The following PPP4R3B variants were observed in gnomAD, a reference collection of about 807,000 sequenced individuals.
The protein encoded by PPP4R3B is serine/threonine-protein phosphatase 4 regulatory subunit 3B.
PPP4R3B carries 52 observed loss-of-function variants against 95.4 expected under a neutral mutation model. That is an observed-to-expected ratio of 0.54 (90% CI 0.44 to 0.69). PPP4R3B has a LOEUF of 0.69. Among genes scored for constraint, PPP4R3B ranks in the 30% least tolerant of loss-of-function variants. The pLI is 0.00. For missense variants in PPP4R3B, 1,003 were observed against 1,005.9 expected, an observed-to-expected ratio of 1.00 and a Z score of 0.04; for synonymous variants, 407 against 343.9, an observed-to-expected ratio of 1.18 and a Z score of -2.03.
At chr2:55,614,476 T>C (rs1041686184) in intron 2 of PPP4R3B, 11 of 152,112 alleles carry the variant, frequency 7.2e-5, no homozygotes, top group African/African-American at 2.7e-4. Flanking sequence ...GTGTGAAAAA[T>C]GCAAGCTGCA....
chr2:55,606,313 ATTAG>A (rs1333010953), intron 2 of PPP4R3B, among the ~76,000 whole-genome samples: 1 of 152,216 alleles, frequency 6.6e-6, no homozygotes, highest in Non-Finnish European at 1.5e-5. Context: ...GCTCCGTATC[ATTAG>A]TTAGTATTAA....
intron 10 of PPP4R3B, 31 bp downstream of exon 10, chr2:55,578,216 A>G: frequency 7.3e-7 from 1 of 1,367,126 alleles, no homozygotes; most frequent in Non-Finnish European, 9.5e-7. Flanking sequence ...ATAAGTAAAT[A>G]TAGGAGTGAT....
chr2:55,575,502 C>A (rs902581955), intron 11 of PPP4R3B, among the ~76,000 whole-genome samples: 14 of 152,110 alleles, frequency 9.2e-5, no homozygotes, highest in Admixed American at 2.6e-4. Flanking sequence ...CTGGAGGGCA[C>A]TGGTGCAATT....
chr2:55,615,765 T>A (rs1224065663), intron 1 of PPP4R3B, among the ~76,000 whole-genome samples: 3 of 140,946 alleles, frequency 2.1e-5, no homozygotes, highest in Non-Finnish European at 3.0e-5. Context: ...GGCAGGAGAA[T>A]CGCTTGAGAG....
At chr2:55,595,604 C>T (rs1042026420) in intron 4 of PPP4R3B, among the ~76,000 whole-genome samples, 2 of 151,758 alleles carry the variant, frequency 1.3e-5, no homozygotes, top group African/African-American at 4.8e-5. Flanking sequence ...AAAATTTAAA[C>T]TTTTATAAAA....
In PPP4R3B at chr2:55,554,740, G is replaced by A. The variant is rs566019208; in HGVS notation, c.2454+4035C>T. Among the ~76,000 whole-genome samples, 58 of 152,216 alleles carry A rather than the reference G, an allele frequency of 3.8e-4. 1 individual carries two copies. The South Asian group carries it at 0.012, about 30-fold the overall frequency. On this transcript the variant is annotated intron_variant, in intron 16 of 16. Transcript: ENST00000616407. The stretch of plus-strand genomic sequence containing the variant: ...GTATCCTTTGGAGTACAAAATTTTT[G>A]AATTTTGAATGAGTCCAATTTATTA...
intron 4 of PPP4R3B, among the ~76,000 whole-genome samples, chr2:55,595,702 A>T (rs1054875710): frequency 6.6e-6 from 1 of 150,868 alleles, no homozygotes; most frequent in Non-Finnish European, 1.5e-5. Flanking sequence ...TCTGGCATTC[A>T]GTGTGTTGCA....
At chr2:55,603,932 A>C in intron 3 of PPP4R3B, 46 bp downstream of exon 3, 1 of 1,403,448 alleles carries the variant, frequency 7.1e-7, no homozygotes, top group Non-Finnish European at 9.8e-7. Flanking sequence ...CAAAAATTCC[A>C]GAAAAGAAGC....
At position 55,592,692 on chromosome 2, in the gene PPP4R3B, G is replaced by A. The variant is rs578114938; in HGVS notation, c.922-3736C>T. Among the ~76,000 whole-genome samples the A allele has an allele frequency of 9.5e-4, 145 of 152,122 alleles. 1 individual carries two copies. In the Middle Eastern group the frequency reaches 0.01, roughly 11 times the overall value. On this transcript the variant is annotated intron_variant, in intron 4 of 16. Coordinates refer to ENST00000616407, the MANE Select transcript of PPP4R3B (RefSeq NM_001122964.3). ...AATTTTAAGCTTAACTCTTACCTAT[G>A]GAATAGCAGAAATATGTATATAATA...
At chr2:55,602,517 G>C (rs1478937649) in intron 3 of PPP4R3B, among the ~76,000 whole-genome samples, 1 of 152,206 alleles carries the variant, frequency 6.6e-6, no homozygotes, top group Non-Finnish European at 1.5e-5. Context: ...TGGACCACAA[G>C]ATATTCTTGA....
chr2:55,604,856 C>T (rs1476783736), intron 2 of PPP4R3B, among the ~76,000 whole-genome samples: 1 of 151,838 alleles, frequency 6.6e-6, no homozygotes, highest in African/African-American at 2.4e-5. Context: ...TTGTTTCCTC[C>T]TTGAGACAGG....
intron 3 of PPP4R3B, among the ~76,000 whole-genome samples, chr2:55,600,133 C>T (rs1464301526): frequency 6.6e-6 from 1 of 152,086 alleles, no homozygotes; most frequent in African/African-American, 2.4e-5. Flanking sequence ...CTTTTTTGTT[C>T]TATTTTCTCA....
chr2:55,601,454 C>T (rs1692601605), intron 3 of PPP4R3B, among the ~76,000 whole-genome samples: 1 of 151,480 alleles, frequency 6.6e-6, no homozygotes, highest in South Asian at 2.1e-4. Flanking sequence ...GATCTCGGCT[C>T]ACTGCAAGCT....
rs545238250 is a variant in PPP4R3B at position 55,585,300 on chromosome 2, T to C, written c.1117-133A>G. The C allele has an allele frequency of 9.4e-6, 5 of 533,458 alleles. No individual in the cohort carries two copies. In the South Asian group the frequency reaches 1.2e-4, roughly 13 times the overall value. The allele number at this position is 533,458 out of a possible 1,614,324, so 33.0% of individuals were successfully genotyped here. ...GATGTTTTACTGCAATCAATGTGTA[T>C]AACCTTGCCAGTATGTTCTTCCTTT... On this transcript the variant is annotated intron_variant, in intron 6 of 16. Coordinates refer to ENST00000616407, the MANE Select transcript of PPP4R3B (RefSeq NM_001122964.3).
At chr2:55,553,089 T>G (rs7605486) in intron 16 of PPP4R3B, among the ~76,000 whole-genome samples, 142,242 of 152,274 alleles carry the variant, frequency 0.93, 67,020 homozygotes, top group African/African-American at 0.98. Context: ...GAATTCTACA[T>G]AGAAAATGAC....
At chr2:55,591,828 T>C (rs1559017884) in intron 4 of PPP4R3B, 1 of 190,366 alleles carries the variant, frequency 5.3e-6, no homozygotes, top group African/African-American at 2.4e-5. Context: ...AAGCACTCTG[T>C]TCCAATATAT....
chr2:55,557,843 C>T (rs1413691165), intron 16 of PPP4R3B, among the ~76,000 whole-genome samples: 3 of 151,846 alleles, frequency 2.0e-5, no homozygotes, highest in Admixed American at 6.6e-5. Flanking sequence ...AACATATGAA[C>T]AAGAAAAATG....
intron 12 of PPP4R3B, among the ~76,000 whole-genome samples, chr2:55,570,244 T>C (rs1029251470): frequency 1.3e-5 from 2 of 152,212 alleles, no homozygotes; most frequent in Non-Finnish European, 2.9e-5. Flanking sequence ...AGTGAGACTA[T>C]GTCTCAAAAA....
chr2:55,601,785 A>G (rs2103720100), intron 3 of PPP4R3B, among the ~76,000 whole-genome samples: 1 of 152,300 alleles, frequency 6.6e-6, no homozygotes, highest in East Asian at 1.9e-4. Context: ...ATGGTATAAC[A>G]CTAGTATTGT....
Sources: allele counts gnomAD v4.1 joint callset (sites outside exome capture counted in the v4.1 genomes callset), GRCh38; gene constraint gnomAD v4.1.1; transcripts MANE v1.5; gene names NCBI Gene and HGNC (gene_info 2026-07-23, HGNC 2026-07-21).